Variants in GRID2 observed in about 807,000 individuals in gnomAD.
The protein encoded by GRID2 is glutamate ionotropic receptor delta type subunit 2.
A neutral mutation model predicts 114.8 loss-of-function variants in GRID2; 33 were observed. The observed-to-expected ratio is 0.29, with a 90% CI of 0.22 to 0.38. The LOEUF is 0.38. GRID2 is among the 10% of genes least tolerant of loss of function. The probability of loss-of-function intolerance (pLI) is 1.00; values close to 1 mark genes in which losing one functional copy is unlikely to be tolerated. For synonymous variants in GRID2, 505 were observed against 449.9 expected (o/e 1.12, Z -1.55); for missense variants, 1,184 against 1,257.7 (o/e 0.94, Z 0.89).
At chr4:93,262,969 T>C (rs1750417248) in intron 8 of GRID2, among the ~76,000 whole-genome samples, 1 of 152,016 alleles carries the variant, frequency 6.6e-6, no homozygotes, top group Non-Finnish European at 1.5e-5. Context: ...ATGTAACTCC[T>C]TGTTCCACTT....
chr4:92,822,693 A>G (rs1220543193), intron 2 of GRID2: 2 of 160,818 alleles, frequency 1.2e-5, no homozygotes, highest in East Asian at 3.8e-4. Flanking sequence ...GGAGGCTGAG[A>G]GGAAAAAGTG....
exon 2 of GRID2, chr4:93,808,418 C>T (rs1561011351): frequency 6.6e-6 from 1 of 152,176 alleles, no homozygotes; most frequent in African/African-American, 2.4e-5. Flanking sequence ...ACTTTGTAAA[C>T]TTTGTTATTT....
chr4:93,673,109 C>A (rs933693664), intron 14 of GRID2, among the ~76,000 whole-genome samples: 3 of 152,168 alleles, frequency 2.0e-5, no homozygotes, highest in African/African-American at 7.2e-5. Flanking sequence ...CAGTTGGCAG[C>A]TGGGCAAATA....
At chr4:92,611,145 C>CGT (rs1560488219) in intron 2 of GRID2, among the ~76,000 whole-genome samples, 11 of 121,192 alleles carry the variant, frequency 9.1e-5, no homozygotes, top group Admixed American at 3.2e-4. Flanking sequence ...TGTGTGTGTG[C>CGT]ATGTGTGTGT....
Position 93,289,604 on chromosome 4 carries a change from G to A in GRID2, c.1245+51114G>A, listed in dbSNP as rs533422875. Among the ~76,000 whole-genome samples, 194 of 152,192 alleles carry A rather than the reference G, an allele frequency of 1.3e-3. 1 individual carries two copies. The highest frequency in any genetic ancestry group is 4.3e-3 in the African/African-American group (179 of 41,530). Reference sequence around the variant, plus strand: ...ATAAAAATGGCTTTGTTTCTATAATGAAAACATATACATATGTAGGTTGTT... The same window carrying A: ...ATAAAAATGGCTTTGTTTCTATAATAAAAACATATACATATGTAGGTTGTT... On this transcript the variant is annotated intron_variant, in intron 8 of 15. Coordinates refer to ENST00000282020, the MANE Select transcript of GRID2 (RefSeq NM_001510.4).
chr4:93,250,190 T>C (rs1748701354), intron 8 of GRID2, among the ~76,000 whole-genome samples: 1 of 152,154 alleles, frequency 6.6e-6, no homozygotes, highest in Non-Finnish European at 1.5e-5. Context: ...TTCACGTCCT[T>C]TGTAGGGACA....
At chr4:92,748,928 T>C (rs1737293125) in intron 2 of GRID2, among the ~76,000 whole-genome samples, 2 of 151,958 alleles carry the variant, frequency 1.3e-5, no homozygotes, top group African/African-American at 4.8e-5. Context: ...CCTCCCACAG[T>C]GAGATTACAG....
At chr4:92,554,953 G>A (rs1726778796) in intron 1 of GRID2, among the ~76,000 whole-genome samples, 1 of 152,050 alleles carries the variant, frequency 6.6e-6, no homozygotes, top group Non-Finnish European at 1.5e-5. Flanking sequence ...GTCAGTAAAG[G>A]CAACTATAAT....
At chr4:92,498,433 G>A (rs904150581) in intron 1 of GRID2, among the ~76,000 whole-genome samples, 1 of 151,754 alleles carries the variant, frequency 6.6e-6, no homozygotes, top group Admixed American at 6.6e-5. Flanking sequence ...TCAATTAAAG[G>A]CATTTATATT....
At chr4:93,111,734 AATTT>A (rs1009884061) in intron 4 of GRID2, among the ~76,000 whole-genome samples, 5 of 142,526 alleles carry the variant, frequency 3.5e-5, no homozygotes, top group African/African-American at 7.7e-5. Context: ...TGAGGACGGG[AATTT>A]ATTTGTTTAA....
intron 2 of GRID2, among the ~76,000 whole-genome samples, chr4:92,897,533 C>G (rs547636817): frequency 3.3e-5 from 5 of 152,268 alleles, no homozygotes; most frequent in Admixed American, 2.0e-4. Flanking sequence ...CATGCCACTT[C>G]CAGCAGGACT....
intron 1 of GRID2, among the ~76,000 whole-genome samples, chr4:92,494,928 A>T (rs1465160191): frequency 6.6e-6 from 1 of 152,070 alleles, no homozygotes; most frequent in Non-Finnish European, 1.5e-5. Flanking sequence ...GATAAAAATT[A>T]TGCAGTGAAT....
chr4:92,518,041 C>T (rs1432423625), intron 1 of GRID2, among the ~76,000 whole-genome samples: 1 of 151,858 alleles, frequency 6.6e-6, no homozygotes, highest in Non-Finnish European at 1.5e-5. Flanking sequence ...AGTAGCTGAA[C>T]AATAACTACT....
intron 2 of GRID2, among the ~76,000 whole-genome samples, chr4:92,597,106 A>AT (rs1234304617): frequency 2.6e-5 from 4 of 151,658 alleles, no homozygotes; most frequent in Non-Finnish European, 5.9e-5. Flanking sequence ...TTTTATTTTT[A>AT]TTTTTATTTG....
rs954378510 is a variant in GRID2, at chr4:92,517,295, G to A, written c.89-72836G>A. 4.0e-5 allele frequency among the ~76,000 whole-genome samples: 6 copies of A among 151,818 alleles called. No individual in the cohort carries two copies. In the South Asian group the frequency reaches 8.3e-4, roughly 21 times the overall value. ...GTTCCTCCCATTTTTTTAGTCATTTGTTCATTTGCTTTATTTATTCAAACA... is the reference window on the plus strand; with the variant it reads ...GTTCCTCCCATTTTTTTAGTCATTTATTCATTTGCTTTATTTATTCAAACA... On this transcript the variant is annotated intron_variant, in intron 1 of 15. Transcript: ENST00000282020.
intron 2 of GRID2, among the ~76,000 whole-genome samples, chr4:92,920,543 G>C (rs1749230443): frequency 6.6e-6 from 1 of 152,108 alleles, no homozygotes; most frequent in Non-Finnish European, 1.5e-5. Context: ...GGCAGGCCTG[G>C]TGTTGACAAA....
At chr4:92,436,665 CTT>C (rs922912793) in intron 1 of GRID2, among the ~76,000 whole-genome samples, 1 of 152,038 alleles carries the variant, frequency 6.6e-6, no homozygotes, top group African/African-American at 2.4e-5. Context: ...TGGAATCTCT[CTT>C]AGGTTGCTTG....
rs191255372 is a variant in GRID2 at position 92,681,121 on chromosome 4, T to C, written c.244+90835T>C. ...TTTCAAATAAAAGGATTATTGATACTGTACATTAAGATTGGTTGCAGCTTA... is the reference window on the plus strand; with the variant it reads ...TTTCAAATAAAAGGATTATTGATACCGTACATTAAGATTGGTTGCAGCTTA... On this transcript the variant is annotated intron_variant, in intron 2 of 15. Transcript: ENST00000282020. 5.9e-5 allele frequency among the ~76,000 whole-genome samples: 9 copies of C among 152,274 alleles called. No homozygotes were observed. In the East Asian group the frequency reaches 1.4e-3, roughly 23 times the overall value.
chr4:92,438,495 A>C (rs982895748), intron 1 of GRID2, among the ~76,000 whole-genome samples: 6 of 151,970 alleles, frequency 3.9e-5, no homozygotes, highest in African/African-American at 9.7e-5. Context: ...ATATGTGATG[A>C]GGCATCTAAA....
Sources: allele counts gnomAD v4.1 joint callset (sites outside exome capture counted in the v4.1 genomes callset), GRCh38; gene constraint gnomAD v4.1.1; transcripts MANE v1.5; gene names NCBI Gene and HGNC (gene_info 2026-07-23, HGNC 2026-07-21).